The following SCUBE1 variants were observed in gnomAD, a reference collection of about 807,000 sequenced individuals.
SCUBE1 encodes signal peptide, CUB domain and EGF like domain containing 1, also known as signal peptide, CUB and EGF-like domain-containing protein 1.
SCUBE1 carries 59 observed loss-of-function variants against 124.4 expected under a neutral mutation model. The ratio of observed to expected loss-of-function variants is 0.47; its 90% CI spans 0.38 to 0.59. SCUBE1 has a LOEUF of 0.59. Ranked by LOEUF, SCUBE1 falls within the 20% of genes least tolerant of loss-of-function variation. SCUBE1 has a pLI of 0.00. For synonymous variants in SCUBE1, 545 were observed against 550.9 expected (o/e 0.99, Z 0.15); for missense variants, 1,150 against 1,371.2 (o/e 0.84, Z 2.55).
intron 7 of SCUBE1, 199 bp from the exon 8 acceptor site, chr22:43,232,074 T>C: frequency 1.7e-6 from 1 of 595,654 alleles, no homozygotes; most frequent in Non-Finnish European, 3.0e-6. Context: ...GGGGCTGGGT[T>C]GTACTGGGAA....
At chr22:43,220,780 C>T (rs144196551) in intron 13 of SCUBE1, among the ~76,000 whole-genome samples, 193 bp from the exon 14 acceptor site, 85 of 152,290 alleles carry the variant, frequency 5.6e-4, no homozygotes, top group Non-Finnish European at 9.7e-4. Flanking sequence ...GTCTCACGCC[C>T]GGTCCATCAC....
intron 8 of SCUBE1, among the ~76,000 whole-genome samples, chr22:43,231,223 C>T (rs567370772): frequency 5.9e-5 from 9 of 152,186 alleles, no homozygotes; most frequent in Middle Eastern, 3.2e-3. Context: ...ATTTCACCAA[C>T]GGACCCTCCC....
chr22:43,296,560 T>A (rs112711077), intron 3 of SCUBE1, among the ~76,000 whole-genome samples: 1 of 152,212 alleles, frequency 6.6e-6, no homozygotes, highest in South Asian at 2.1e-4. Context: ...GGAGGCTCCT[T>A]TCAGGAAATC....
chr22:43,286,374 G>T (rs886801236), intron 4 of SCUBE1, among the ~76,000 whole-genome samples: 6 of 152,230 alleles, frequency 3.9e-5, no homozygotes, highest in African/African-American at 1.4e-4. Flanking sequence ...ACAATGCGAC[G>T]TTTCCTCTCA....
chr22:43,275,299 G>C (rs759956731), intron 4 of SCUBE1, among the ~76,000 whole-genome samples: 3 of 152,240 alleles, frequency 2.0e-5, no homozygotes, highest in African/African-American at 7.2e-5. Flanking sequence ...AGCAAACCAC[G>C]ACGCGCTGGG....
At chr22:43,320,125 C>T in intron 2 of SCUBE1, 60 bp from the exon 3 acceptor site, 2 of 1,603,840 alleles carry the variant, frequency 1.2e-6, no homozygotes, top group Non-Finnish European at 1.7e-6. Context: ...CCTCTCCCAA[C>T]ACCATGGAAG....
chr22:43,338,951 C>T (rs1927174628), intron 2 of SCUBE1, among the ~76,000 whole-genome samples, 153 bp downstream of exon 2: 1 of 152,238 alleles, frequency 6.6e-6, no homozygotes, highest in African/African-American at 2.4e-5. Flanking sequence ...TCACTGCCTC[C>T]CTCCTGAGGC....
intron 2 of SCUBE1, among the ~76,000 whole-genome samples, chr22:43,338,245 T>C (rs1423746105): frequency 6.6e-6 from 1 of 152,196 alleles, no homozygotes; most frequent in African/African-American, 2.4e-5. Context: ...CTTTTCTCTC[T>C]AACTTTTAGC....
At chr22:43,281,506 T>TCCCTCAGTCACCCTCCTGTCACCTC (rs745515163) in intron 4 of SCUBE1, among the ~76,000 whole-genome samples, 2 of 46,174 alleles carry the variant, frequency 4.3e-5, no homozygotes, top group South Asian at 7.6e-4. Flanking sequence ...TCCTGTCACC[T>TCCCTCAGTCACCCTCCTGTCACCTC]CCTCCTCAGC....
chr22:43,221,536 A>C (rs1833731737), intron 12 of SCUBE1, among the ~76,000 whole-genome samples: 1 of 152,114 alleles, frequency 6.6e-6, no homozygotes. Flanking sequence ...CACCCGCCAG[A>C]GGTCTTCTGA....
chr22:43,199,074 G>C lies in SCUBE1; in HGVS notation c.*4923C>G. Reference sequence around the variant, plus strand: ...TGTCTGTTTGTCTGTCTGCTGTCCGGGGCAGTTTGTTTGTCTGTCTGCTGT... The same window carrying C: ...TGTCTGTTTGTCTGTCTGCTGTCCGCGGCAGTTTGTTTGTCTGTCTGCTGT... On this transcript the variant is annotated 3_prime_UTR_variant, in exon 22 of 22. Coordinates refer to ENST00000360835, the MANE Select transcript of SCUBE1 (RefSeq NM_173050.5). 1 of 336,470 alleles carries C rather than the reference G, an allele frequency of 3.0e-6. No individual in the cohort carries two copies. Among genetic ancestry groups the C allele is most frequent in the Middle Eastern group, 1.1e-3 (1 of 922 alleles). The allele number at this position is 336,470 out of a possible 1,614,324, so 20.8% of individuals were successfully genotyped here.
intron 4 of SCUBE1, among the ~76,000 whole-genome samples, chr22:43,276,357 C>T (rs74364212): frequency 0.024 from 3,698 of 152,246 alleles, 160 homozygotes; most frequent in African/African-American, 0.086. Context: ...TCCCATGGGA[C>T]GTACATGCTG....
At chr22:43,341,057 G>A (rs181514649) in intron 1 of SCUBE1, among the ~76,000 whole-genome samples, 8 of 140,700 alleles carry the variant, frequency 5.7e-5, no homozygotes, top group Admixed American at 4.2e-4. Context: ...GCATCAACAA[G>A]AAACACAACA....
intron 3 of SCUBE1, among the ~76,000 whole-genome samples, chr22:43,297,881 T>C (rs1925623306): frequency 6.6e-6 from 1 of 152,216 alleles, no homozygotes; most frequent in Admixed American, 6.5e-5. Flanking sequence ...CATGTTTTCA[T>C]GGCTGTCAAG....
chr22:43,287,671 T>C (rs1466334714), intron 4 of SCUBE1, among the ~76,000 whole-genome samples: 1 of 152,256 alleles, frequency 6.6e-6, no homozygotes, highest in Non-Finnish European at 1.5e-5. Context: ...TCCAAAGAGC[T>C]GGACAGGCAT....
chr22:43,213,959 G>T, intron 16 of SCUBE1, 131 bp downstream of exon 16: 1 of 979,890 alleles, frequency 1.0e-6, no homozygotes, highest in Non-Finnish European at 1.5e-6. Flanking sequence ...GAAACGACAA[G>T]GAACTTTAGA....
chr22:43,280,825 T>C (rs1482081015), intron 4 of SCUBE1, among the ~76,000 whole-genome samples: 4 of 115,412 alleles, frequency 3.5e-5, no homozygotes, highest in African/African-American at 1.5e-4. Flanking sequence ...GCCATCCTCC[T>C]GTCACCTCCC....
chr22:43,231,520 C>CAGCT (rs1922551148), intron 8 of SCUBE1, among the ~76,000 whole-genome samples: 1 of 152,208 alleles, frequency 6.6e-6, no homozygotes, highest in South Asian at 2.1e-4. Context: ...GCTGGGCCAC[C>CAGCT]GGCTCCCTCT....
intron 6 of SCUBE1, among the ~76,000 whole-genome samples, chr22:43,245,780 C>T (rs1268742056): frequency 6.6e-6 from 1 of 152,216 alleles, no homozygotes; most frequent in Admixed American, 6.5e-5. Flanking sequence ...TTAGGGCCTC[C>T]GTCTACCTGA....
Sources: gnomAD v4.1 joint callset for allele counts (sites outside exome capture counted in the v4.1 genomes callset) on GRCh38, gnomAD v4.1.1 for gene constraint, MANE v1.5 for transcripts, NCBI Gene and HGNC (gene_info 2026-07-23, HGNC 2026-07-21) for gene names.